The following POLR2F variants were observed in gnomAD, a reference collection of about 807,000 sequenced individuals.
POLR2F encodes DNA-directed RNA polymerases I, II, and III subunit RPABC2.
In POLR2F, 12 loss-of-function variants were observed where a neutral mutation model predicts 22.7. That is an observed-to-expected ratio of 0.53 (90% CI 0.34 to 0.86). The LOEUF (loss-of-function observed/expected upper bound fraction) is 0.86. Among genes scored for constraint, POLR2F ranks in the 40% least tolerant of loss-of-function variants. The pLI is 0.02. For synonymous variants in POLR2F, 57 were observed against 66.0 expected (o/e 0.86, Z 0.66); for missense variants, 126 against 171.5 (o/e 0.73, Z 1.48).
intron 1 of POLR2F, among the ~76,000 whole-genome samples, chr22:38,021,582 A>G (rs546811218): frequency 6.3e-4 from 96 of 152,068 alleles, no homozygotes; most frequent in South Asian, 2.5e-3. Flanking sequence ...TTAGCCTCTC[A>G]AGTAGCTGGG....
At chr22:37,975,867 A>G (rs1932203644) in intron 4 of POLR2F, among the ~76,000 whole-genome samples, 1 of 152,092 alleles carries the variant, frequency 6.6e-6, no homozygotes, top group African/African-American at 2.4e-5. Context: ...TGGATGGGAT[A>G]GACGGCCATG....
chr22:37,997,290 C>T lies in POLR2F; in HGVS notation c.120+10978C>T, dbSNP rs1569176310. On this transcript the variant is annotated intron_variant, in intron 1 of 2. Coordinates refer to the POLR2F transcript ENST00000333418. This position sits in a 1 kb window ranked among gnomAD's most constrained non-coding sequence, Gnocchi z 4.4. ...TTTCTTTCTCTGTCCATTGCTCCCT[C>T]CTTCTCCTCTTTCTGTCCCCAGCCT... Among the ~76,000 whole-genome samples the T allele has an allele frequency of 6.6e-6, 1 of 152,032 alleles. No homozygotes were observed.
At chr22:38,007,049 C>T (rs749678963) in intron 1 of POLR2F, among the ~76,000 whole-genome samples, 5 of 152,178 alleles carry the variant, frequency 3.3e-5, no homozygotes. Flanking sequence ...GGGAATTGAG[C>T]TGAGAGGCCT....
chr22:38,037,514 A>T (rs765941820), intron 5 of POLR2F, among the ~76,000 whole-genome samples: 2 of 146,146 alleles, frequency 1.4e-5, no homozygotes, highest in Non-Finnish European at 3.0e-5. Context: ...GGCCTCAAGC[A>T]GTCCTCTGCT....
At position 38,017,645 on chromosome 22, in the gene POLR2F, GA is replaced by G. The variant is rs2084926453; in HGVS notation, c.121-8223del. 6.6e-6 allele frequency among the ~76,000 whole-genome samples: 1 copy of G among 152,170 alleles called. No individual in the cohort carries two copies. Among genetic ancestry groups the G allele is most frequent in the Non-Finnish European group, 1.5e-5 (1 of 68,024 alleles). ...CAGTCCCGTCAGCATCTCAGGGCTG[GA>G]GGGGCCCTCTGAGGCTGTGGCCTCT... On this transcript the variant is annotated intron_variant, in intron 1 of 2. Coordinates refer to the POLR2F transcript ENST00000333418. This position sits in a 1 kb window ranked among gnomAD's most constrained non-coding sequence, Gnocchi z 4.1.
At chr22:37,986,030 C>T, upstream of POLR2F, 1 of 1,378,700 alleles carries the variant, frequency 7.3e-7, no homozygotes, top group Non-Finnish European at 9.4e-7. This position sits in a 1 kb window ranked among gnomAD's most constrained non-coding sequence, Gnocchi z 4.7. Flanking sequence ...CCCCCGCCTC[C>T]CTTCTCTTCC....
intron 1 of POLR2F, among the ~76,000 whole-genome samples, chr22:37,998,522 G>A (rs1033922386): frequency 4.6e-5 from 7 of 152,178 alleles, no homozygotes; most frequent in African/African-American, 1.7e-4. Context: ...GCAGGTTGGG[G>A]TGGTCCTGCT....
chr22:37,983,276 G>A (rs902693997), upstream of POLR2F: 29 of 1,474,468 alleles, frequency 2.0e-5, no homozygotes, highest in African/African-American at 2.9e-4. The surrounding 1 kb of genome is among the most constrained non-coding windows in gnomAD (Gnocchi z 9.5). Context: ...GCTCTGAGGT[G>A]CAGGAGGCCG....
downstream of POLR2F, among the ~76,000 whole-genome samples, chr22:38,031,386 G>A (rs2145831079): frequency 6.6e-6 from 1 of 152,182 alleles, no homozygotes; most frequent in Middle Eastern, 3.4e-3. The surrounding 1 kb of genome is among the most constrained non-coding windows in gnomAD (Gnocchi z 4.1). Flanking sequence ...CCCCCCACAA[G>A]GTAGACTTGG....
downstream of POLR2F, chr22:37,972,256 C>T (rs1264728117): frequency 7.7e-7 from 1 of 1,301,888 alleles, no homozygotes; most frequent in Admixed American, 2.3e-5. Flanking sequence ...TTTGAGGAAG[C>T]ACCAGTACAG....
intron 1 of POLR2F, among the ~76,000 whole-genome samples, chr22:37,992,073 T>C (rs533782550): frequency 1.3e-5 from 2 of 152,324 alleles, no homozygotes; most frequent in African/African-American, 4.8e-5. Flanking sequence ...TGGGCTCAAG[T>C]GATCCTTCCA....
chr22:37,973,227 G>A, downstream of POLR2F: 1 of 446,044 alleles, frequency 2.2e-6, no homozygotes, highest in Non-Finnish European at 4.0e-6. Flanking sequence ...CTGGGGGAAG[G>A]TGCAGCCCCT....
chr22:38,041,319 A>C, downstream of POLR2F: 1 of 626,910 alleles, frequency 1.6e-6, no homozygotes, highest in Non-Finnish European at 2.8e-6. Flanking sequence ...GTGGAAGGTC[A>C]TTCCATCTCC....
intron 4 of POLR2F, among the ~76,000 whole-genome samples, chr22:37,976,884 C>T (rs1932236710): frequency 6.6e-6 from 1 of 152,096 alleles, no homozygotes; most frequent in Non-Finnish European, 1.5e-5. Context: ...GACACGGTAT[C>T]ACATGCCATG....
chr22:37,992,362 C>T (rs1932744533), intron 1 of POLR2F, among the ~76,000 whole-genome samples: 1 of 151,928 alleles, frequency 6.6e-6, no homozygotes, highest in South Asian at 2.1e-4. Context: ...GTTGGTTGAC[C>T]TTGGGTTTAG....
At chr22:37,982,443 T>A (rs1932429118), upstream of POLR2F, among the ~76,000 whole-genome samples, 2 of 152,150 alleles carry the variant, frequency 1.3e-5, no homozygotes, top group African/African-American at 4.8e-5. Context: ...GAGGCCTGGC[T>A]GAACCCCAGA....
chr22:38,001,361 A>G (rs901417132), intron 1 of POLR2F, among the ~76,000 whole-genome samples: 4 of 152,222 alleles, frequency 2.6e-5, no homozygotes, highest in African/African-American at 9.6e-5. Context: ...TCTTATAGAG[A>G]CACAGTTGAC....
At chr22:37,971,370 C>T (rs961933863), downstream of POLR2F, 28 of 460,974 alleles carry the variant, frequency 6.1e-5, no homozygotes, top group Non-Finnish European at 1.2e-4. Flanking sequence ...TGGTGGAGCA[C>T]TTAGTAAATG....
chr22:38,020,276 A>AT (rs1184841537), intron 1 of POLR2F, among the ~76,000 whole-genome samples: 3 of 150,696 alleles, frequency 2.0e-5, no homozygotes, highest in Non-Finnish European at 2.9e-5. Context: ...TTTAAAAAAA[A>AT]TTTTTTTAGA....
Sources: gnomAD v4.1 joint callset for allele counts (sites outside exome capture counted in the v4.1 genomes callset) on GRCh38, gnomAD v4.1.1 for gene constraint, Gnocchi (gnomAD v3.1) non-coding constraint, MANE v1.5 for transcripts, NCBI Gene and HGNC (gene_info 2026-07-23, HGNC 2026-07-21) for gene names.